CHD6: variants seen among roughly 807,000 people sequenced by gnomAD.
CHD6 encodes the protein chromodomain helicase DNA binding protein 6.
A neutral mutation model predicts 276.9 loss-of-function variants in CHD6; 50 were observed. The ratio of observed to expected loss-of-function variants is 0.18; its 90% CI spans 0.14 to 0.23. The LOEUF (loss-of-function observed/expected upper bound fraction) is 0.23, where lower values mean the gene tolerates loss of function less well. Among genes scored for constraint, CHD6 ranks in the 10% least tolerant of loss-of-function variants. The pLI is 1.00. For synonymous variants in CHD6, 1,173 were observed against 1,229.3 expected, an observed-to-expected ratio of 0.95 and a Z score of 0.96; for missense variants, 2,564 against 3,365.8, an observed-to-expected ratio of 0.76 and a Z score of 5.89.
At chr20:41,491,875 C>A (rs1449474003) in intron 10 of CHD6, 56 bp from the exon 11 acceptor site, 1 of 1,591,376 alleles carries the variant, frequency 6.3e-7, no homozygotes, top group East Asian at 2.2e-5. Flanking sequence ...AGGAGCATAA[C>A]ATGGATACTA....
At chr20:41,501,192 CT>C (rs1384482512) in intron 5 of CHD6, among the ~76,000 whole-genome samples, 4 of 152,106 alleles carry the variant, frequency 2.6e-5, no homozygotes, top group African/African-American at 9.7e-5. Flanking sequence ...ATGCACTGGC[CT>C]TACAGAAGTA....
intron 1 of CHD6, among the ~76,000 whole-genome samples, chr20:41,559,903 T>A (rs1039618907): frequency 6.8e-6 from 1 of 147,724 alleles, no homozygotes; most frequent in East Asian, 1.9e-4. Context: ...ACACACACAC[T>A]CTCTCTACCT....
chr20:41,468,818 C>A (rs2042988384), intron 17 of CHD6, among the ~76,000 whole-genome samples: 1 of 151,800 alleles, frequency 6.6e-6, no homozygotes, highest in Non-Finnish European at 1.5e-5. Context: ...AGTTCAAGAC[C>A]AGCCTAGGTA....
chr20:41,494,001 AC>A, intron 8 of CHD6, 57 bp from the exon 9 acceptor site: 1 of 1,274,012 alleles, frequency 7.8e-7, no homozygotes, highest in Non-Finnish European at 1.1e-6. Flanking sequence ...CAAATCCAAC[AC>A]CTAGGGTGTT....
chr20:41,455,809 A>C lies in CHD6; in HGVS notation c.3000T>G (p.Thr1000=), dbSNP rs376230226. The stretch of plus-strand genomic sequence containing the variant: ...AGAGAAGGCCCTGTACCTTGGCAAA[A>C]GTGGACCCTTTCCCCTCAGACTGGA... ...ITIQSEGKGS[T]FAKASFVASG... is the part of the protein sequence containing the mutation. Residue 1000 remains threonine (T), a synonymous_variant, in exon 19 of 37, where the codon ACT becomes ACG. Coordinates refer to ENST00000373233, the MANE Select transcript of CHD6 (RefSeq NM_032221.5). 5 of 1,586,492 alleles carry C rather than the reference A, an allele frequency of 3.2e-6. No homozygotes were observed. The highest frequency in any genetic ancestry group is 1.4e-5 in the African/African-American group (1 of 73,654).
At chr20:41,463,175 C>A (rs533751260) in intron 17 of CHD6, among the ~76,000 whole-genome samples, 1 of 152,036 alleles carries the variant, frequency 6.6e-6, no homozygotes, top group Non-Finnish European at 1.5e-5. Flanking sequence ...AAAAAAAGAA[C>A]CCATGTATTC....
At chr20:41,560,806 G>A (rs562788416) in intron 1 of CHD6, among the ~76,000 whole-genome samples, 51 of 148,152 alleles carry the variant, frequency 3.4e-4, no homozygotes, top group African/African-American at 1.2e-3. Context: ...CTTAGCTTAA[G>A]AATTCAATAG....
intron 1 of CHD6, among the ~76,000 whole-genome samples, chr20:41,563,160 C>A (rs6093495): frequency 6.6e-6 from 1 of 152,148 alleles, no homozygotes; most frequent in African/African-American, 2.4e-5. Context: ...GATTTTAATC[C>A]TTGTCTGTGA....
rs746704617 is a variant in CHD6, at chr20:41,447,985, A to G, written c.3684-14T>C. ...CGCAAAAGTACTCTATGAAAGGTGAACACATTAATGCAAACAAATTAGAAC... is the reference window on the plus strand; with the variant it reads ...CGCAAAAGTACTCTATGAAAGGTGAGCACATTAATGCAAACAAATTAGAAC... On this transcript the variant is annotated splice_polypyrimidine_tract_variant and intron_variant, in intron 23 of 36. Transcript: ENST00000373233. 3.9e-6 allele frequency: 6 copies of G among 1,546,894 alleles called. No homozygotes were observed. In the South Asian group the frequency reaches 4.6e-5, roughly 12 times the overall value.
At chr20:41,466,190 A>G (rs2042915729) in intron 17 of CHD6, among the ~76,000 whole-genome samples, 1 of 152,230 alleles carries the variant, frequency 6.6e-6, no homozygotes, top group South Asian at 2.1e-4. Flanking sequence ...TAACACAGCA[A>G]GACTCCATCC....
chr20:41,451,854 C>T lies in CHD6; in HGVS notation c.3495G>A (p.Gly1165=). ...IWELITPTKD[G]QAQTLQNHSG... ...AGTGGTTCTGGAGGGTCTGGGCTTG[C>T]CCATCTTTGGTAGGTGTGATCAGTT... Residue 1165 remains glycine, a synonymous_variant, in exon 22 of 37, where the codon GGG becomes GGA. Coordinates refer to ENST00000373233, the MANE Select transcript of CHD6 (RefSeq NM_032221.5). 1 of 1,614,144 alleles carries T rather than the reference C, an allele frequency of 6.2e-7. No individual in the cohort carries two copies. The highest frequency in any genetic ancestry group is 8.5e-7 in the Non-Finnish European group (1 of 1,180,002).
chr20:41,618,122 C>A (rs1041585934), intron 1 of CHD6, among the ~76,000 whole-genome samples: 5 of 149,636 alleles, frequency 3.3e-5, no homozygotes, highest in Non-Finnish European at 7.5e-5. Context: ...CCCCTCTCCC[C>A]AGGCCGCAGG....
Position 41,404,069 on chromosome 20 carries a change from A to C in CHD6, c.*524T>G. 1 of 1,047,714 alleles carries C rather than the reference A, an allele frequency of 9.5e-7. No individual in the cohort carries two copies. The highest frequency in any genetic ancestry group is 1.2e-6 in the Non-Finnish European group (1 of 867,224). 64.9% of individuals were successfully genotyped at this position (1,047,714 alleles called of 1,614,324 possible). On this transcript the variant is annotated 3_prime_UTR_variant, in exon 37 of 37. Coordinates refer to ENST00000373233, the MANE Select transcript of CHD6 (RefSeq NM_032221.5). ...AACCATTAGTTATATACTTCTGTCT[A>C]TACTACTCACTTAGTAATCATGATA...
chr20:41,574,113 A>T, intron 1 of CHD6, among the ~76,000 whole-genome samples: 1 of 151,048 alleles, frequency 6.6e-6, no homozygotes, highest in Middle Eastern at 3.4e-3. Context: ...CACTACACTG[A>T]AAAGGGAAAG....
chr20:41,517,037 T>A (rs1412960379), intron 3 of CHD6, among the ~76,000 whole-genome samples: 2 of 152,142 alleles, frequency 1.3e-5, no homozygotes, highest in Admixed American at 6.5e-5. Context: ...CCTGCTTCCC[T>A]CTTGAACACC....
chr20:41,536,731 A>C (rs1236598810), intron 2 of CHD6, among the ~76,000 whole-genome samples: 1 of 152,186 alleles, frequency 6.6e-6, no homozygotes, highest in Non-Finnish European at 1.5e-5. Context: ...AGCATATTTC[A>C]CTGTATTTTT....
chr20:41,407,284 C>A (rs1436341017), intron 36 of CHD6, among the ~76,000 whole-genome samples: 3 of 152,158 alleles, frequency 2.0e-5, no homozygotes, highest in African/African-American at 7.2e-5. Context: ...CAGCCCACAG[C>A]CTCCTTGTCT....
intron 8 of CHD6, 34 bp from the exon 9 acceptor site, chr20:41,493,978 T>C (rs1206954576): frequency 3.2e-6 from 5 of 1,543,538 alleles, no homozygotes; most frequent in Non-Finnish European, 3.6e-6. Flanking sequence ...TTAGGAAGTA[T>C]GTCCCCTTGC....
Position 41,404,676 on chromosome 20 carries a change from T to G in CHD6, c.8065A>C (p.Ser2689Arg), listed in dbSNP as rs774367979. The change falls in exon 37 of 37, where the codon AGT (serine) becomes CGT (arginine). Residue 2689 changes from serine to arginine, a missense_variant. Transcript: ENST00000373233. The stretch of plus-strand genomic sequence containing the variant: ...TCTCTCTCTGCGGGCAAAGGGGCAC[T>G]GGGTTCGGCACAGTTCTCATCACCG... ...PSGDENCAEP[S>R]APLPAEREHG... 9 of 1,557,576 alleles carry G rather than the reference T, an allele frequency of 5.8e-6. No individual in the cohort carries two copies. In the African/African-American group the frequency reaches 9.6e-5, roughly 17 times the overall value.
Sources: gnomAD v4.1 joint callset for allele counts (sites outside exome capture counted in the v4.1 genomes callset) on GRCh38, gnomAD v4.1.1 for gene constraint, MANE v1.5 for transcripts, NCBI Gene and HGNC (gene_info 2026-07-23, HGNC 2026-07-21) for gene names.